Variants in SETDB1 observed in about 807,000 individuals in gnomAD.
SETDB1 encodes the protein SET domain bifurcated histone lysine methyltransferase 1.
SETDB1 carries 31 observed loss-of-function variants against 137.4 expected under a neutral mutation model. The ratio of observed to expected loss-of-function variants is 0.23; its 90% CI spans 0.17 to 0.30. The LOEUF is 0.30. SETDB1 is among the 10% of genes least tolerant of loss of function. The pLI, the probability that SETDB1 is intolerant of heterozygous loss-of-function variation, is 1.00. For missense variants in SETDB1, 1,113 were observed against 1,631.5 expected (o/e 0.68, Z 5.47); for synonymous variants, 548 against 579.9 (o/e 0.95, Z 0.79).
At chr1:150,955,115 A>C (rs1457719207) in intron 14 of SETDB1, among the ~76,000 whole-genome samples, 1 of 152,232 alleles carries the variant, frequency 6.6e-6, no homozygotes, top group Non-Finnish European at 1.5e-5. Context: ...GAAAAACTAA[A>C]CAAAGGAATA....
intron 2 of SETDB1, among the ~76,000 whole-genome samples, chr1:150,929,110 G>A (rs1219230310): frequency 1.3e-5 from 2 of 152,158 alleles, no homozygotes; most frequent in Non-Finnish European, 2.9e-5. Context: ...TATATACCCA[G>A]TAATGGGATT....
chr1:150,937,467 G>T (rs1363590269), intron 3 of SETDB1, among the ~76,000 whole-genome samples: 3 of 152,118 alleles, frequency 2.0e-5, no homozygotes, highest in African/African-American at 7.2e-5. Context: ...ACTTAAAAAT[G>T]ATTAGAGTCA....
rs1420816060 is a variant in SETDB1, at chr1:150,949,493, T to C, written c.1551T>C (p.Ser517=). 1 of 1,614,106 alleles carries C rather than the reference T, an allele frequency of 6.2e-7. No individual in the cohort carries two copies. The highest frequency in any genetic ancestry group is 1.1e-5 in the South Asian group (1 of 91,084). ...PTSPALSENV[S]GGKPGINQTY... is the part of the protein sequence containing the mutation. ...CTCCTGCACTCAGTGAAAATGTCTCTGGTGGGAAACCTGGGATCAACCAGA... is the reference window on the plus strand; with the variant it reads ...CTCCTGCACTCAGTGAAAATGTCTCCGGTGGGAAACCTGGGATCAACCAGA... The change falls in exon 12 of 22, where the codon TCT becomes TCC. Residue 517 remains serine (S), a synonymous_variant. Transcript: ENST00000692827.
chr1:150,933,347 A>C (rs937420462), intron 3 of SETDB1, among the ~76,000 whole-genome samples: 1 of 144,886 alleles, frequency 6.9e-6, no homozygotes. Flanking sequence ...GGCCTTAGCT[A>C]CCATGCCTGG....
Position 150,951,072 on chromosome 1 carries a change from A to G in SETDB1, c.2198A>G (p.Lys733Arg), listed in dbSNP as rs1558022163. ...GAATTTCTGGTTGGCTGTGACTGCA[A>G]GGATGGGTGTCGGGACAAGTGAGTT... Reference protein sequence around the residue: ...GPEFLVGCDCKDGCRDKSKCA... With the variant: ...GPEFLVGCDCRDGCRDKSKCA... The change falls in exon 13 of 22, where the codon AAG becomes AGG. Residue 733 changes from lysine (K) to arginine (R), a missense_variant. This residue lies in a region of SETDB1 where 81 missense variants were observed against 123.4 expected (regional missense o/e 0.66). Transcript: ENST00000692827. The G allele has an allele frequency of 1.9e-6, 3 of 1,610,164 alleles. No homozygotes were observed. Among genetic ancestry groups the G allele is most frequent in the East Asian group, 2.2e-5 (1 of 44,768 alleles).
At chr1:150,928,257 C>T (rs771749587) in intron 2 of SETDB1, 6 of 396,812 alleles carry the variant, frequency 1.5e-5, no homozygotes, top group Middle Eastern at 7.3e-4. Flanking sequence ...CAGGGTTTCA[C>T]CATGTTGGCC....
Position 150,933,757 on chromosome 1 carries a change from TTTTCTTTTTCTTTTTCTTTTTC to T in SETDB1, c.412+3643_412+3664del, listed in dbSNP as rs1210544386. Among the ~76,000 whole-genome samples, 43 of 120,138 alleles carry T rather than the reference TTTTCTTTTTCTTTTTCTTTTTC, an allele frequency of 3.6e-4. 1 individual carries two copies. Among genetic ancestry groups the T allele is most frequent in the African/African-American group, 1.4e-3 (42 of 30,892 alleles). 78.8% of individuals were successfully genotyped at this position (120,138 alleles called of 152,430 possible). On this transcript the variant is annotated intron_variant, in intron 3 of 21. Transcript: ENST00000692827. ...TCATTCTTCTGATTTTTCTTTTTCT[TTTTCTTTTTCTTTTTCTTTTTC>T]TTTTTTTTTTTTTTTTTTTTGAGAT...
rs778168669 is a variant in SETDB1 at position 150,943,037 on chromosome 1, G to A, written c.859G>A (p.Val287Ile). The change falls in exon 7 of 22, where the codon GTC becomes ATC. Residue 287 changes from valine (V) to isoleucine (I), a missense_variant. Val to Ile is a conservative substitution (Grantham distance 29, BLOSUM62 3). This residue lies in a region of SETDB1 where 154 missense variants were observed against 303.1 expected (regional missense o/e 0.51). Transcript: ENST00000692827. Reference sequence around the variant, plus strand: ...TGGCATTGTAGCTGAGACACCAAACGTCAAAAACAAGCTCAGGTACCTGGA... The same window carrying A: ...TGGCATTGTAGCTGAGACACCAAACATCAAAAACAAGCTCAGGTACCTGGA... ...YAGIVAETPN[V>I]KNKLRFLIFF... 8 of 1,613,706 alleles carry A rather than the reference G, an allele frequency of 5.0e-6. No individual in the cohort carries two copies. The highest frequency in any genetic ancestry group is 2.2e-5 in the East Asian group (1 of 44,898).
In SETDB1 at chr1:150,949,473, G is replaced by T; in HGVS notation, c.1531G>T (p.Ala511Ser). Residue 511 changes from alanine (A) to serine (S), a missense_variant, in exon 12 of 22, where the codon GCA (alanine) becomes TCA (serine). This residue lies in a region of SETDB1 where 192 missense variants were observed against 198.1 expected (regional missense o/e 0.97). Transcript: ENST00000692827. ...GSGHSSPTSP[A>S]LSENVSGGKP... The stretch of plus-strand genomic sequence containing the variant: ...TGGTCATTCCTCCCCTACATCTCCT[G>T]CACTCAGTGAAAATGTCTCTGGTGG... 6.2e-7 allele frequency: 1 copy of T among 1,614,044 alleles called. No homozygotes were observed.
intron 3 of SETDB1, among the ~76,000 whole-genome samples, chr1:150,931,716 C>A (rs2102643634): frequency 8.5e-6 from 1 of 117,030 alleles, no homozygotes. Flanking sequence ...GAGTGAGACT[C>A]TGTCTCACCC....
chr1:150,929,235 C>T (rs985634091), intron 2 of SETDB1, among the ~76,000 whole-genome samples: 4 of 152,302 alleles, frequency 2.6e-5, no homozygotes, highest in African/African-American at 9.6e-5. Flanking sequence ...TCCTGTTTCT[C>T]TACATCCTCT....
intron 3 of SETDB1, among the ~76,000 whole-genome samples, chr1:150,933,368 C>CTTTTTTTTTTTTTTTT (rs71090112): frequency 5.9e-5 from 7 of 118,884 alleles, no homozygotes; most frequent in East Asian, 2.5e-4. Context: ...CCTATTTTGT[C>CTTTTTTTTTTTTTTTT]TTTTTTTTTT....
At chr1:150,963,337 C>T (rs758084812) in intron 19 of SETDB1, 193 bp from the exon 20 acceptor site, 1 of 716,390 alleles carries the variant, frequency 1.4e-6, no homozygotes, top group East Asian at 2.6e-5. Flanking sequence ...TACTCTTTCC[C>T]CTCAGCTCCT....
intron 15 of SETDB1, among the ~76,000 whole-genome samples, chr1:150,960,351 CCTGTAG>C (rs1424287192): frequency 2.0e-5 from 3 of 151,274 alleles, no homozygotes; most frequent in Non-Finnish European, 4.4e-5. Flanking sequence ...GTGGCGTGCA[CCTGTAG>C]TCCTATCTAC....
In SETDB1 at chr1:150,946,920, C is replaced by G; in HGVS notation, c.1175C>G (p.Ser392Cys). 6.2e-7 allele frequency: 1 copy of G among 1,614,168 alleles called. No homozygotes were observed. Among genetic ancestry groups the G allele is most frequent in the Non-Finnish European group, 8.5e-7 (1 of 1,180,014 alleles). ...DKRCEWIYRG[S>C]TRLEPMFSMK... ...AGATGTGAGTGGATCTATCGAGGCT[C>G]TACACGGCTGGAGCCCATGTTCAGC... The change falls in exon 10 of 22, where the codon TCT becomes TGT. Residue 392 changes from serine to cysteine, a missense_variant. Ser to Cys is a moderately radical substitution (Grantham distance 112). Coordinates refer to ENST00000692827, the MANE Select transcript of SETDB1 (RefSeq NM_001366418.1).
At chr1:150,937,471 A>G (rs1669980941) in intron 3 of SETDB1, among the ~76,000 whole-genome samples, 1 of 152,124 alleles carries the variant, frequency 6.6e-6, no homozygotes, top group African/African-American at 2.4e-5. Flanking sequence ...AAAAATGATT[A>G]GAGTCAGGTG....
intron 8 of SETDB1, 122 bp downstream of exon 8, chr1:150,944,115 G>A: frequency 1.3e-6 from 1 of 754,024 alleles, no homozygotes; most frequent in Non-Finnish European, 2.4e-6. Context: ...CATAAGTTTG[G>A]TTGATGTCTT....
intron 18 of SETDB1, 29 bp downstream of exon 18, chr1:150,962,748 T>G (rs1191817250): frequency 6.2e-7 from 1 of 1,608,520 alleles, no homozygotes; most frequent in Admixed American, 1.7e-5. Context: ...ATTCAGAGTC[T>G]AATAAAGGAA....
At chr1:150,958,931 G>A (rs746177760) in intron 14 of SETDB1, among the ~76,000 whole-genome samples, 2 of 152,086 alleles carry the variant, frequency 1.3e-5, no homozygotes, top group Non-Finnish European at 2.9e-5. Context: ...TTTATGAGCT[G>A]TCTTGCTATA....
Sources: allele counts gnomAD v4.1 joint callset (sites outside exome capture counted in the v4.1 genomes callset), GRCh38; gene constraint gnomAD v4.1.1; regional missense constraint gnomAD v4.1.1; transcripts MANE v1.5; gene names NCBI Gene and HGNC (gene_info 2026-07-23, HGNC 2026-07-21).